MAGEC3: variants seen among roughly 807,000 people sequenced by gnomAD.
MAGEC3 encodes melanoma-associated antigen C3.
Under a neutral mutation model 35.3 loss-of-function variants are expected in MAGEC3, and 34 were observed. The ratio of observed to expected loss-of-function variants is 0.96; its 90% confidence interval spans 0.73 to 1.28. The LOEUF is 1.28. MAGEC3 is among the 50% of genes most tolerant of loss of function. MAGEC3 has a pLI of 0.00. For missense variants in MAGEC3, 561 were observed against 483.6 expected (o/e 1.16, Z -1.50); for synonymous variants, 202 against 185.6 (o/e 1.09, Z -0.72).
chrX:141,839,893 C>T (rs149267477), intron 1 of MAGEC3: 4,937 of 491,196 alleles, frequency 0.01, 23 homozygotes, highest in Middle Eastern at 0.015. Context: ...TGCTTCTAAG[C>T]GTCTTATTGG....
intron 2 of MAGEC3, among the ~76,000 whole-genome samples, chrX:141,866,885 C>T (rs1180857243): frequency 1.8e-5 from 2 of 111,887 alleles, no homozygotes; most frequent in African/African-American, 3.3e-5. Flanking sequence ...CATACTTTCA[C>T]GTATGCGTAA....
chrX:141,842,202 C>A (rs2017690283), intron 1 of MAGEC3, among the ~76,000 whole-genome samples: 1 of 111,309 alleles, frequency 9.0e-6, no homozygotes, highest in African/African-American at 3.3e-5. Flanking sequence ...AGGCACGACA[C>A]AACATTATGC....
At chrX:141,882,678 C>T (rs1408579980) in intron 4 of MAGEC3, among the ~76,000 whole-genome samples, 2 of 112,221 alleles carry the variant, frequency 1.8e-5, no homozygotes, top group African/African-American at 3.2e-5. Context: ...GCATCTCTGA[C>T]GGCTTTATTT....
At position 141,897,193 on chromosome X, in the gene MAGEC3, A is replaced by G. The variant is rs147641554; in HGVS notation, c.1435A>G (p.Lys479Glu). 42 of 1,210,488 alleles carry G rather than the reference A, an allele frequency of 3.5e-5. No individual in the cohort carries two copies. In the African/African-American group the frequency reaches 7.0e-4, roughly 20 times the overall value. Residue 479 changes from lysine (K) to glutamate (E), a missense_variant, in exon 7 of 8, where the codon AAG becomes GAG. Coordinates refer to ENST00000298296, the MANE Select transcript of MAGEC3 (RefSeq NM_138702.1). ...LKYQTKEPVT[K>E]AEMLTTVIKK... ...ATATCAAACAAAAGAGCCTGTCACAAAGGCAGAGATGCTGACGACTGTCAT... is the reference window on the plus strand; with the variant it reads ...ATATCAAACAAAAGAGCCTGTCACAGAGGCAGAGATGCTGACGACTGTCAT...
chrX:141,874,094 A>T (rs192741680), intron 2 of MAGEC3, among the ~76,000 whole-genome samples: 4 of 112,370 alleles, frequency 3.6e-5, no homozygotes, highest in African/African-American at 9.7e-5. Context: ...TTGACAAGGA[A>T]TCAGAGGCAT....
At chrX:141,885,392 C>A (rs564560673) in intron 4 of MAGEC3, among the ~76,000 whole-genome samples, 203 of 109,801 alleles carry the variant, frequency 1.8e-3, no homozygotes, top group African/African-American at 6.6e-3. Context: ...TAAGGCCGGG[C>A]GCAGTGGCTC....
At chrX:141,870,542 C>T (rs2017881235) in intron 2 of MAGEC3, among the ~76,000 whole-genome samples, 1 of 111,331 alleles carries the variant, frequency 9.0e-6, no homozygotes, top group South Asian at 3.7e-4. Flanking sequence ...TTTGCTGAAA[C>T]CATTCACTTT....
At chrX:141,880,924 C>G in intron 3 of MAGEC3, 1 of 712,374 alleles carries the variant, frequency 1.4e-6, no homozygotes, top group Non-Finnish European at 2.2e-6. Context: ...CTGTTGGATG[C>G]CATCATCCAC....
chrX:141,890,850 C>T (rs1380611666), intron 4 of MAGEC3, among the ~76,000 whole-genome samples: 1 of 111,409 alleles, frequency 9.0e-6, no homozygotes, highest in African/African-American at 3.3e-5. Flanking sequence ...TATATCATTC[C>T]AATGTTTTCA....
At chrX:141,894,758 C>A in intron 4 of MAGEC3, 1 of 969,623 alleles carries the variant, frequency 1.0e-6, no homozygotes, top group Non-Finnish European at 1.3e-6. Flanking sequence ...AGGCGTCGCC[C>A]AGCCACTCCT....
chrX:141,862,758 C>T (rs1052651033), intron 1 of MAGEC3, among the ~76,000 whole-genome samples: 13 of 111,922 alleles, frequency 1.2e-4, no homozygotes, highest in South Asian at 3.7e-4. Flanking sequence ...AGTGGAATGA[C>T]GGACACCAGA....
intron 4 of MAGEC3, among the ~76,000 whole-genome samples, chrX:141,891,302 A>C (rs1019558748): frequency 2.7e-5 from 3 of 111,530 alleles, no homozygotes; most frequent in Non-Finnish European, 5.6e-5. Context: ...GAAGGGGTAT[A>C]ATTCGGCCCA....
intron 1 of MAGEC3, among the ~76,000 whole-genome samples, chrX:141,841,765 GCTTTTGAAATAGTACCCTTCCTTTT>G (rs1189444104): frequency 9.0e-6 from 1 of 111,540 alleles, no homozygotes; most frequent in Non-Finnish European, 1.9e-5. Context: ...CCCCTTCACG[GCTTTTGAAATAGTACCCTTCCTTTT>G]CAGTCTATTT....
chrX:141,883,435 C>T (rs1170425334), intron 4 of MAGEC3, among the ~76,000 whole-genome samples: 1 of 111,731 alleles, frequency 9.0e-6, no homozygotes, highest in Non-Finnish European at 1.9e-5. Flanking sequence ...TGTAAATTTT[C>T]AGTTTGGATA....
intron 1 of MAGEC3, among the ~76,000 whole-genome samples, chrX:141,847,486 A>G (rs1569471677): frequency 9.0e-6 from 1 of 111,528 alleles, no homozygotes; most frequent in Non-Finnish European, 1.9e-5. Flanking sequence ...TGAATATTCC[A>G]AAAGAAAGTA....
Position 141,865,605 on chromosome X carries a change from G to A in MAGEC3, c.258G>A (p.Lys86=). Residue 86 remains lysine (K), a splice_region_variant and synonymous_variant, in exon 2 of 8, where the codon AAG becomes AAA. Coordinates refer to ENST00000298296, the MANE Select transcript of MAGEC3 (RefSeq NM_138702.1). The stretch of plus-strand genomic sequence containing the variant: ...TTGTCCTCTGCCCCACATACTTCAA[G>A]GTAAGGACTCTAAGGAAAGACTGAG... ...DSLVLCPTYF[K]LWRTLSGSPG... The A allele has an allele frequency of 1.7e-6, 2 of 1,203,159 alleles. No homozygotes were observed. Among genetic ancestry groups the A allele is most frequent in the Non-Finnish European group, 2.2e-6 (2 of 890,897 alleles).
At chrX:141,873,349 C>T (rs779787013) in intron 2 of MAGEC3, among the ~76,000 whole-genome samples, 35 of 110,921 alleles carry the variant, frequency 3.2e-4, no homozygotes, top group South Asian at 3.1e-3. Context: ...CTTATTAAGG[C>T]GCACTGTTTT....
At chrX:141,886,246 C>T (rs986100978) in intron 4 of MAGEC3, among the ~76,000 whole-genome samples, 8 of 110,259 alleles carry the variant, frequency 7.3e-5, no homozygotes, top group African/African-American at 1.7e-4. Flanking sequence ...AAGCAGAAAA[C>T]TTCCATGTTA....
chrX:141,841,985 C>G (rs2017688660), intron 1 of MAGEC3, among the ~76,000 whole-genome samples: 1 of 110,902 alleles, frequency 9.0e-6, no homozygotes, highest in Admixed American at 9.6e-5. Context: ...ATTTTTGGGC[C>G]ACGAAAATGC....
Sources: gnomAD v4.1 joint callset for allele counts (sites outside exome capture counted in the v4.1 genomes callset) on GRCh38, gnomAD v4.1.1 for gene constraint, MANE v1.5 for transcripts, NCBI Gene and HGNC (gene_info 2026-07-23, HGNC 2026-07-21) for gene names.